The following DEUP1 variants were observed in gnomAD, a reference collection of about 807,000 sequenced individuals.
DEUP1 encodes deuterosome assembly protein 1.
Under a neutral mutation model 87.4 loss-of-function variants are expected in DEUP1, and 82 were observed. The observed-to-expected ratio is 0.94, with a 90% CI of 0.78 to 1.13. The LOEUF is 1.13. Ranked by LOEUF, DEUP1 falls within the 50% of genes most tolerant of loss-of-function variation. The pLI is 0.00. For missense variants in DEUP1, 663 were observed against 681.5 expected, an observed-to-expected ratio of 0.97 and a Z score of 0.30; for synonymous variants, 214 against 222.7, an observed-to-expected ratio of 0.96 and a Z score of 0.35.
At chr11:93,394,711 A>G (rs764670454) in intron 10 of DEUP1, 55 bp downstream of exon 10, 11 of 1,180,534 alleles carry the variant, frequency 9.3e-6, no homozygotes, top group African/African-American at 7.7e-5. Context: ...CTCAGTGCCA[A>G]TAGTAGCCTT....
At chr11:93,354,976 G>T (rs1944824160) in intron 2 of DEUP1, among the ~76,000 whole-genome samples, 2 of 152,030 alleles carry the variant, frequency 1.3e-5, no homozygotes, top group South Asian at 4.2e-4. Flanking sequence ...ACCTAGCCCA[G>T]GCTTGCTCTT....
At chr11:93,362,032 G>A (rs1006695515) in intron 4 of DEUP1, among the ~76,000 whole-genome samples, 1 of 151,986 alleles carries the variant, frequency 6.6e-6, no homozygotes, top group Admixed American at 6.6e-5. Context: ...AACTAAGTTG[G>A]AGCCCTACCT....
chr11:93,385,048 C>G (rs776963682), intron 7 of DEUP1, among the ~76,000 whole-genome samples: 9 of 152,144 alleles, frequency 5.9e-5, no homozygotes, highest in African/African-American at 2.2e-4. Flanking sequence ...ATGGTGAAAC[C>G]CCATCTCTAC....
At chr11:93,339,507 G>T (rs1017965718) in intron 2 of DEUP1, among the ~76,000 whole-genome samples, 3 of 152,186 alleles carry the variant, frequency 2.0e-5, no homozygotes, top group African/African-American at 4.8e-5. Context: ...CAACAAAAGA[G>T]CTGGCTTATA....
chr11:93,369,727 C>T (rs1945616438), intron 5 of DEUP1, among the ~76,000 whole-genome samples: 1 of 7,692 alleles, frequency 1.3e-4, no homozygotes, highest in Non-Finnish European at 2.5e-4. Context: ...GTCAGGAGAT[C>T]GAGACCATCC....
intron 2 of DEUP1, among the ~76,000 whole-genome samples, chr11:93,344,461 A>G (rs1944234265): frequency 6.6e-6 from 1 of 151,852 alleles, no homozygotes; most frequent in African/African-American, 2.4e-5. Flanking sequence ...ATGTTTCATG[A>G]CATAGTCTCC....
rs2134533045 is a variant in DEUP1 at position 93,438,232 on chromosome 11, A to G, written c.*513A>G. ...TATAATTTTTTGGAAAAAAAAAGCT[A>G]TAGCTTTATTGTTTTTACATTCACC... On this transcript the variant is annotated 3_prime_UTR_variant, in exon 14 of 14. Coordinates refer to ENST00000298050, the MANE Select transcript of DEUP1 (RefSeq NM_181645.4). 6.6e-6 allele frequency: 1 copy of G among 152,504 alleles called. No individual in the cohort carries two copies. The highest frequency in any genetic ancestry group is 2.1e-4 in the South Asian group (1 of 4,826). The allele number at this position is 152,504 out of a possible 1,614,324, so 9.4% of individuals were successfully genotyped here.
At chr11:93,334,021 G>T (rs1943620573) in intron 2 of DEUP1, among the ~76,000 whole-genome samples, 1 of 152,184 alleles carries the variant, frequency 6.6e-6, no homozygotes. Context: ...AAAGAACTTA[G>T]AATTTAGTAA....
intron 4 of DEUP1, among the ~76,000 whole-genome samples, chr11:93,359,628 C>T (rs969129433): frequency 4.6e-5 from 7 of 152,016 alleles, no homozygotes; most frequent in African/African-American, 1.7e-4. Flanking sequence ...CCAATGGGTG[C>T]AAACAAACAA....
At chr11:93,363,294 T>G (rs2134240098) in intron 4 of DEUP1, among the ~76,000 whole-genome samples, 1 of 151,988 alleles carries the variant, frequency 6.6e-6, no homozygotes, top group East Asian at 1.9e-4. Flanking sequence ...AGTCTATATC[T>G]AGATTGTGGT....
chr11:93,397,028 T>C (rs1946966424), intron 11 of DEUP1, among the ~76,000 whole-genome samples: 1 of 152,180 alleles, frequency 6.6e-6, no homozygotes, highest in African/African-American at 2.4e-5. Context: ...GAAATATCAT[T>C]GTTAACTTGT....
In DEUP1 at chr11:93,341,305, G is replaced by C. The variant is rs370943678; in HGVS notation, c.29+9017G>C. ...GTGGTGGCACACACCTGTAGTCCCA[G>C]TTACTCAGGAGGCTGAGGCAGAAGG... On this transcript the variant is annotated intron_variant, in intron 2 of 13. Coordinates refer to ENST00000298050, the MANE Select transcript of DEUP1 (RefSeq NM_181645.4). Among the ~76,000 whole-genome samples the C allele has an allele frequency of 8.6e-5, 13 of 151,752 alleles. No individual in the cohort carries two copies. The East Asian group carries it at 2.3e-3, about 27-fold the overall frequency.
intron 11 of DEUP1, among the ~76,000 whole-genome samples, chr11:93,402,669 C>T (rs1377136491): frequency 6.6e-6 from 1 of 151,750 alleles, no homozygotes; most frequent in Non-Finnish European, 1.5e-5. Flanking sequence ...GAATATTATT[C>T]AGCCAGAAAA....
At chr11:93,435,657 A>G (rs1303259350) in intron 13 of DEUP1, among the ~76,000 whole-genome samples, 1 of 151,960 alleles carries the variant, frequency 6.6e-6, no homozygotes, top group Non-Finnish European at 1.5e-5. Flanking sequence ...CCTATCCTGA[A>G]CCTCCTACAC....
At position 93,396,249 on chromosome 11, in the gene DEUP1, T is replaced by C. The variant is rs1306843283; in HGVS notation, c.1250T>C (p.Met417Thr). 3 of 1,568,558 alleles carry C rather than the reference T, an allele frequency of 1.9e-6. No individual in the cohort carries two copies. Among genetic ancestry groups the C allele is most frequent in the South Asian group, 1.2e-5 (1 of 83,282 alleles). ...KMLAKQKVSD[M>T]KYKAVRTENT... ...ATCTGCTAATTTCAGGTCTCAGATATGAAATATAAAGCTGTCAGAACTGAA... is the reference window on the plus strand; with the variant it reads ...ATCTGCTAATTTCAGGTCTCAGATACGAAATATAAAGCTGTCAGAACTGAA... Residue 417 changes from methionine to threonine, a missense_variant, in exon 11 of 14, where the codon ATG becomes ACG. Met to Thr is a moderately conservative substitution (Grantham distance 81, BLOSUM62 -1). Transcript: ENST00000298050.
In DEUP1 at chr11:93,341,586, A is replaced by G. The variant is rs114929971; in HGVS notation, c.29+9298A>G. On this transcript the variant is annotated intron_variant, in intron 2 of 13. Coordinates refer to ENST00000298050, the MANE Select transcript of DEUP1 (RefSeq NM_181645.4). ...TAATATCTTGGGTCTTGGAGGGTCTATTGAGTTTCAAACAAAATGCTTAGT... is the reference window on the plus strand; with the variant it reads ...TAATATCTTGGGTCTTGGAGGGTCTGTTGAGTTTCAAACAAAATGCTTAGT... Among the ~76,000 whole-genome samples the G allele has an allele frequency of 7.5e-3, 1,145 of 152,278 alleles. 15 individuals are homozygous for G. The highest frequency in any genetic ancestry group is 0.027 in the African/African-American group (1,105 of 41,556).
intron 13 of DEUP1, among the ~76,000 whole-genome samples, chr11:93,419,846 C>CA (rs1316747658): frequency 1.4e-5 from 2 of 146,238 alleles, no homozygotes; most frequent in South Asian, 2.2e-4. Flanking sequence ...AAAACACCTT[C>CA]AAAAAAATAA....
At chr11:93,332,130 G>T in intron 1 of DEUP1, 86 bp from the exon 2 acceptor site, 1 of 721,786 alleles carries the variant, frequency 1.4e-6, no homozygotes, top group Non-Finnish European at 2.3e-6. Flanking sequence ...CATACTAAAT[G>T]GTTTTTGCCA....
Position 93,385,559 on chromosome 11 carries a change from T to C in DEUP1, c.935+16T>C, listed in dbSNP as rs1946500811. 1.9e-6 allele frequency: 3 copies of C among 1,572,726 alleles called. No homozygotes were observed. Among genetic ancestry groups the C allele is most frequent in the Non-Finnish European group, 1.7e-6 (2 of 1,165,550 alleles). On this transcript the variant is annotated intron_variant, in intron 8 of 13. Transcript: ENST00000298050. Reference sequence around the variant, plus strand: ...ATAAAACAAGGTATAATCTTTATATTTGACAATCTGAGAGAACTGTTCAAA... The same window carrying C: ...ATAAAACAAGGTATAATCTTTATATCTGACAATCTGAGAGAACTGTTCAAA...
Sources: gnomAD v4.1 joint callset for allele counts (sites outside exome capture counted in the v4.1 genomes callset) on GRCh38, gnomAD v4.1.1 for gene constraint, MANE v1.5 for transcripts, NCBI Gene and HGNC (gene_info 2026-07-23, HGNC 2026-07-21) for gene names.